The following AGL variants were observed in gnomAD, a reference collection of about 807,000 sequenced individuals.
AGL encodes the protein glycogen debranching enzyme.
A neutral mutation model predicts 199.3 loss-of-function variants in AGL; 128 were observed. The observed-to-expected ratio is 0.64, with a 90% CI of 0.56 to 0.74. The LOEUF (loss-of-function observed/expected upper bound fraction) is 0.74. Among genes scored for constraint, AGL ranks in the 30% least tolerant of loss-of-function variants. AGL has a pLI of 0.00. For synonymous variants in AGL, 584 were observed against 594.7 expected, an observed-to-expected ratio of 0.98 and a Z score of 0.26; for missense variants, 1,809 against 1,820.8, an observed-to-expected ratio of 0.99 and a Z score of 0.12.
intron 25 of AGL, among the ~76,000 whole-genome samples, chr1:99,900,008 C>G (rs996901984): frequency 6.6e-6 from 1 of 151,920 alleles, no homozygotes; most frequent in Non-Finnish European, 1.5e-5. Context: ...CAGCTCACTG[C>G]AACCTCTGCC....
chr1:99,854,821 A>G (rs903685821), intron 2 of AGL, among the ~76,000 whole-genome samples: 1 of 152,052 alleles, frequency 6.6e-6, no homozygotes, highest in South Asian at 2.1e-4. Flanking sequence ...GTGGTAGAGA[A>G]GGGACATTGG....
intron 31 of AGL, 103 bp downstream of exon 31, chr1:99,915,589 C>T (rs1655058892): frequency 2.3e-6 from 2 of 863,170 alleles, no homozygotes; most frequent in Admixed American, 2.2e-5. Flanking sequence ...AAAGGAGATG[C>T]CATCTCTACA....
At chr1:99,866,725 A>G (rs1650540929) in intron 5 of AGL, among the ~76,000 whole-genome samples, 3 of 152,210 alleles carry the variant, frequency 2.0e-5, no homozygotes, top group Admixed American at 2.0e-4. Flanking sequence ...TGCAATGTAA[A>G]AGAAGTAAAC....
intron 12 of AGL, among the ~76,000 whole-genome samples, chr1:99,878,536 C>G (rs1295371933): frequency 6.6e-6 from 1 of 151,862 alleles, no homozygotes; most frequent in African/African-American, 2.4e-5. Context: ...GTATTAACTT[C>G]TATCTAATAC....
intron 27 of AGL, among the ~76,000 whole-genome samples, chr1:99,903,535 T>C (rs966256865): frequency 6.6e-5 from 10 of 152,230 alleles, no homozygotes; most frequent in Admixed American, 5.2e-4. Flanking sequence ...CAGTCTATCA[T>C]TGATGGACAT....
chr1:99,886,445 A>G (rs1652459810), intron 20 of AGL, among the ~76,000 whole-genome samples: 1 of 151,968 alleles, frequency 6.6e-6, no homozygotes, highest in African/African-American at 2.4e-5. Flanking sequence ...TGATTGTGCC[A>G]CTGCTCTCCA....
Position 99,870,842 on chromosome 1 carries a change from G to A in AGL, c.931G>A (p.Glu311Lys), listed in dbSNP as rs1553184646. The A allele has an allele frequency of 3.7e-6, 6 of 1,606,314 alleles. No homozygotes were observed. In the Admixed American group the frequency reaches 8.3e-5, roughly 22 times the overall value. ...FFQVDVNKAV[E>K]QFRRLLTQEN... The stretch of plus-strand genomic sequence containing the variant: ...CCAAGTAGATGTCAACAAAGCGGTT[G>A]AGCAATTTAGAAGACTTCTTACACA... The change falls in exon 7 of 34, where the codon GAG becomes AAG. Residue 311 changes from glutamate to lysine, a missense_variant. Coordinates refer to ENST00000361915, the MANE Select transcript of AGL (RefSeq NM_000642.3).
rs1191259522 is a variant in AGL, at chr1:99,912,619, CTTAAAA to C, written c.3949+107_3949+112del. On this transcript the variant is annotated intron_variant, in intron 29 of 33. Coordinates refer to ENST00000361915, the MANE Select transcript of AGL (RefSeq NM_000642.3). ...TTCTATCAGCTAATATCGGAAAACC[CTTAAAA>C]TTAAGAAGAAAGAAAATTCATTAAT... The C allele has an allele frequency of 1.9e-5, 16 of 858,130 alleles. No individual in the cohort carries two copies. In the Admixed American group the frequency reaches 4.0e-4, roughly 21 times the overall value. 53.2% of individuals were successfully genotyped at this position (858,130 alleles called of 1,614,324 possible). A position where few individuals can be genotyped will look rare whatever the true frequency, so the allele number is the denominator to read the frequency against.
At chr1:99,890,124 T>G (rs1241740906) in intron 21 of AGL, among the ~76,000 whole-genome samples, 1 of 152,196 alleles carries the variant, frequency 6.6e-6, no homozygotes, top group Non-Finnish European at 1.5e-5. Context: ...GTACACCATA[T>G]CCTTTTTATT....
At position 99,851,052 on chromosome 1, in the gene AGL, A is replaced by C. The variant is rs758199444; in HGVS notation, c.10A>C (p.Ser4Arg). Residue 4 changes from serine (S) to arginine (R), a missense_variant, in exon 2 of 34, where the codon AGT becomes CGT. Ser to Arg is a moderately radical substitution (Grantham distance 110). Transcript: ENST00000361915. Reference sequence around the variant, plus strand: ...TCCTCTAGAAGCCAAAATGGGACACAGTAAACAGATTCGAATTTTACTTCT... The same window carrying C: ...TCCTCTAGAAGCCAAAATGGGACACCGTAAACAGATTCGAATTTTACTTCT... Reference protein sequence around the residue: MGHSKQIRILLLNE... With the variant: MGHRKQIRILLLNE... 6.2e-7 allele frequency: 1 copy of C among 1,614,008 alleles called. No homozygotes were observed. The highest frequency in any genetic ancestry group is 8.5e-7 in the Non-Finnish European group (1 of 1,179,864).
chr1:99,899,540 CTT>C lies in AGL; in HGVS notation c.3363-1094_3363-1093del, dbSNP rs1491339022. Among the ~76,000 whole-genome samples the C allele has an allele frequency of 2.2e-4, 33 of 150,232 alleles. 1 individual carries two copies. The Middle Eastern group carries it at 0.029, about 130-fold the overall frequency. On this transcript the variant is annotated intron_variant, in intron 25 of 33. Coordinates refer to ENST00000361915, the MANE Select transcript of AGL (RefSeq NM_000642.3). ...TCTCTCTCTCTCTCTTTCTCTCTCT[CTT>C]TCTCTCTCTCTCTCTTTCCCTCCCT...
chr1:99,919,523 G>A (rs915302515), intron 33 of AGL, among the ~76,000 whole-genome samples: 4 of 152,118 alleles, frequency 2.6e-5, no homozygotes, highest in Non-Finnish European at 4.4e-5. Context: ...AGCACATGGT[G>A]TATTTATTAT....
intron 1 of AGL, 85 bp from the exon 2 acceptor site, chr1:99,850,890 T>C (rs1327863299): frequency 2.7e-6 from 2 of 736,544 alleles, no homozygotes; most frequent in Non-Finnish European, 4.9e-6. Context: ...TAAAACACAC[T>C]TCGAACATGT....
chr1:99,852,351 C>CTTTT (rs11363065), intron 2 of AGL, among the ~76,000 whole-genome samples: 64 of 97,294 alleles, frequency 6.6e-4, no homozygotes, highest in African/African-American at 9.5e-4. Context: ...GCATTCATTT[C>CTTTT]TTTTTTTTTT....
chr1:99,859,685 C>T (rs142940752), intron 2 of AGL, among the ~76,000 whole-genome samples: 38 of 152,216 alleles, frequency 2.5e-4, no homozygotes, highest in African/African-American at 7.9e-4. Flanking sequence ...GTTGGGATTA[C>T]AGGTGCACAC....
chr1:99,884,249 T>C lies in AGL; in HGVS notation c.2433+5T>C. On this transcript the variant is annotated splice_donor_5th_base_variant and intron_variant, in intron 18 of 33. Transcript: ENST00000361915. ...GAAATTAGAGAACATATTCAGGTATTTGGGACTCTCATCTTACTACTGTGT... is the reference window on the plus strand; with the variant it reads ...GAAATTAGAGAACATATTCAGGTATCTGGGACTCTCATCTTACTACTGTGT... 6.2e-7 allele frequency: 1 copy of C among 1,613,314 alleles called. No homozygotes were observed.
At chr1:99,861,187 T>TG in intron 2 of AGL, 1 of 1,211,638 alleles carries the variant, frequency 8.3e-7, no homozygotes. Context: ...GGGGTGAGGA[T>TG]GGGGGATCAT....
intron 5 of AGL, among the ~76,000 whole-genome samples, chr1:99,866,229 T>C (rs1300818483): frequency 6.6e-6 from 1 of 152,212 alleles, no homozygotes; most frequent in Non-Finnish European, 1.5e-5. Context: ...TTATAAATTG[T>C]ATGAGTTAGG....
In AGL at chr1:99,902,762, G is replaced by A. The variant is rs202046937; in HGVS notation, c.3668G>A (p.Gly1223Asp). 248 of 1,613,330 alleles carry A rather than the reference G, an allele frequency of 1.5e-4. 2 individuals are homozygous for A. In the East Asian group the frequency reaches 5.4e-3, roughly 35 times the overall value. ...ATACAGTTCCGAGAAAGGAATGCTG[G>A]TCCCCAGATAGATCGAAACATGAAG... The part of the protein sequence containing the change: ...QGIQFRERNA[G>D]PQIDRNMKDE... The change falls in exon 27 of 34, where the codon GGT becomes GAT. Residue 1223 changes from glycine (G) to aspartate (D), a missense_variant. Transcript: ENST00000361915.
Sources: gnomAD v4.1 joint callset for allele counts (sites outside exome capture counted in the v4.1 genomes callset) on GRCh38, gnomAD v4.1.1 for gene constraint, MANE v1.5 for transcripts, NCBI Gene and HGNC (gene_info 2026-07-23, HGNC 2026-07-21) for gene names.